MYO7A: variants seen among roughly 807,000 people sequenced by gnomAD.
MYO7A encodes myosin VIIA.
MYO7A carries 210 observed loss-of-function variants against 263.8 expected under a neutral mutation model. The observed-to-expected ratio is 0.80, with a 90% CI of 0.71 to 0.89. The LOEUF (loss-of-function observed/expected upper bound fraction) is 0.89. Ranked by LOEUF, MYO7A falls within the 40% of genes least tolerant of loss-of-function variation. The pLI is 0.00. For missense variants in MYO7A, 2,820 were observed against 2,968.3 expected, an observed-to-expected ratio of 0.95 and a Z score of 1.16; for synonymous variants, 1,239 against 1,197.3, an observed-to-expected ratio of 1.03 and a Z score of -0.72.
intron 3 of MYO7A, among the ~76,000 whole-genome samples, chr11:77,145,582 A>G (rs1332143597): frequency 1.3e-5 from 2 of 151,920 alleles, no homozygotes; most frequent in Non-Finnish European, 2.9e-5. Context: ...GGGAGCGGGG[A>G]CCGCATGGGG....
At chr11:77,198,116 G>A (rs938701790) in intron 33 of MYO7A, among the ~76,000 whole-genome samples, 10 of 152,336 alleles carry the variant, frequency 6.6e-5, no homozygotes, top group East Asian at 3.9e-4. Flanking sequence ...TCGGGCCATC[G>A]TTACTGGGCA....
Position 77,201,654 on chromosome 11 carries a change from G to T in MYO7A, c.5043+16G>T, listed in dbSNP as rs745438011. ...GGAGATTGTGGTATGTGGCCTGGGGGTGGCAGATGGGTGGGAGGTGCCATT... is the reference window on the plus strand; with the variant it reads ...GGAGATTGTGGTATGTGGCCTGGGGTTGGCAGATGGGTGGGAGGTGCCATT... On this transcript the variant is annotated intron_variant, in intron 36 of 48. Transcript: ENST00000409709. 6.2e-7 allele frequency: 1 copy of T among 1,609,300 alleles called. No homozygotes were observed. The highest frequency in any genetic ancestry group is 2.2e-5 in the East Asian group (1 of 44,766).
chr11:77,145,268 C>T (rs1555053053), intron 3 of MYO7A, among the ~76,000 whole-genome samples: 1 of 152,206 alleles, frequency 6.6e-6, no homozygotes, highest in East Asian at 1.9e-4. Flanking sequence ...ACAGACCTGG[C>T]AGGAGAAAGC....
intron 2 of MYO7A, among the ~76,000 whole-genome samples, chr11:77,140,382 G>C (rs1555049887): frequency 1.3e-5 from 2 of 152,222 alleles, no homozygotes; most frequent in African/African-American, 4.8e-5. Flanking sequence ...AAGAGCCCTG[G>C]ATTTGGGGTT....
chr11:77,154,050 G>A (rs1197224930), intron 4 of MYO7A, among the ~76,000 whole-genome samples: 1 of 152,198 alleles, frequency 6.6e-6, no homozygotes, highest in Non-Finnish European at 1.5e-5. Flanking sequence ...AGGAGATGGA[G>A]GTTGCAGTGA....
At position 77,172,770 on chromosome 11, in the gene MYO7A, C is replaced by T. The variant is rs782598897; in HGVS notation, c.1820C>T (p.Ser607Leu). ...CAGGGCGCCGAGACCAGGAAGCGCT[C>T]GCCCACACTTAGCAGCCAGTTCAAG... ...VAMGAETRKR[S>L]PTLSSQFKRS... The change falls in exon 16 of 49, where the codon TCG (serine) becomes TTG (leucine). Residue 607 changes from serine (S) to leucine (L), a missense_variant. Ser to Leu is a moderately radical substitution (Grantham distance 145). Coordinates refer to ENST00000409709, the MANE Select transcript of MYO7A (RefSeq NM_000260.4). 3.0e-5 allele frequency: 47 copies of T among 1,558,924 alleles called. No homozygotes were observed. The highest frequency in any genetic ancestry group is 1.9e-4 in the East Asian group (8 of 41,348).
At chr11:77,208,333 C>G in intron 42 of MYO7A, 97 bp from the exon 43 acceptor site, 1 of 952,454 alleles carries the variant, frequency 1.0e-6, no homozygotes, top group Middle Eastern at 2.4e-4. Flanking sequence ...GTGGAGTCTT[C>G]CCTGAGAAGG....
chr11:77,165,944 A>G, intron 14 of MYO7A, 112 bp from the exon 15 acceptor site: 1 of 733,198 alleles, frequency 1.4e-6, no homozygotes, highest in Non-Finnish European at 2.4e-6. Context: ...CCGTCATGAA[A>G]TGGATGTGGT....
chr11:77,129,094 A>C (rs1950689616), intron 1 of MYO7A, among the ~76,000 whole-genome samples: 1 of 152,114 alleles, frequency 6.6e-6, no homozygotes, highest in Non-Finnish European at 1.5e-5. Flanking sequence ...TGGCCCTTAA[A>C]TTTCACGCCC....
rs1952773925 is a variant in MYO7A at position 77,159,377 on chromosome 11, C to G, written c.1004-70C>G. On this transcript the variant is annotated intron_variant, in intron 9 of 48. Coordinates refer to ENST00000409709, the MANE Select transcript of MYO7A (RefSeq NM_000260.4). ...GCAGCAGGAGTGGCAGCCTAGTCCT[C>G]TTAGGACTGTCCCCTTGCCCCTGTT... 11 of 1,472,566 alleles carry G rather than the reference C, an allele frequency of 7.5e-6. No homozygotes were observed. The South Asian group carries it at 1.2e-4, about 16-fold the overall frequency. 91.2% of individuals were successfully genotyped at this position (1,472,566 alleles called of 1,614,324 possible). A position where few individuals can be genotyped will look rare whatever the true frequency, so the allele number is the denominator to read the frequency against.
In MYO7A at chr11:77,208,446, A is replaced by G. The variant is rs1957612026; in HGVS notation, c.5873A>G (p.Glu1958Gly). The part of the protein sequence containing the change: ...KIADKVLSVP[E>G]NDFFFDFVRH... ...TGACCCCAGGTCCTCAGCGTTCCTGAGAATGACTTCTTCTTTGACTTTGTT... is the reference window on the plus strand; with the variant it reads ...TGACCCCAGGTCCTCAGCGTTCCTGGGAATGACTTCTTCTTTGACTTTGTT... Residue 1958 changes from glutamate to glycine, a missense_variant, in exon 43 of 49, where the codon GAG becomes GGG. Coordinates refer to ENST00000409709, the MANE Select transcript of MYO7A (RefSeq NM_000260.4). 1 of 1,613,286 alleles carries G rather than the reference A, an allele frequency of 6.2e-7. No individual in the cohort carries two copies. Among genetic ancestry groups the G allele is most frequent in the African/African-American group, 1.3e-5 (1 of 74,930 alleles).
intron 18 of MYO7A, among the ~76,000 whole-genome samples, chr11:77,176,810 C>G (rs553975516): frequency 6.6e-6 from 1 of 152,200 alleles, no homozygotes; most frequent in African/African-American, 2.4e-5. Context: ...GGGGCCATGT[C>G]TCCCTGGTTC....
chr11:77,197,383 C>A, intron 32 of MYO7A, 98 bp from the exon 33 acceptor site: 1 of 886,492 alleles, frequency 1.1e-6, no homozygotes, highest in Non-Finnish European at 1.7e-6. Context: ...GGTGCAGGAG[C>A]CCCAGGCTGC....
chr11:77,158,227 G>T, intron 8 of MYO7A, 50 bp from the exon 9 acceptor site: 1 of 1,521,744 alleles, frequency 6.6e-7, no homozygotes, highest in East Asian at 2.4e-5. Flanking sequence ...TGCCCCTCTG[G>T]GGGTACACTG....
chr11:77,207,500 G>A (rs999983750), intron 42 of MYO7A, 98 bp downstream of exon 42: 90 of 913,970 alleles, frequency 9.8e-5, no homozygotes, highest in Admixed American at 5.2e-4. Context: ...GGGAGAGAGG[G>A]GAAGAGGGCA....
Position 77,156,903 on chromosome 11 carries a change from C to A in MYO7A, c.634C>A (p.Arg212Ser), listed in dbSNP as rs121965080. 1.2e-6 allele frequency: 2 copies of A among 1,614,030 alleles called. No individual in the cohort carries two copies. Among genetic ancestry groups the A allele is most frequent in the Admixed American group, 1.7e-5 (1 of 60,032 alleles). Residue 212 changes from arginine (R) to serine (S), a missense_variant, in exon 7 of 49, where the codon CGT becomes AGT. Transcript: ENST00000409709. ...GACCATCCGCAATGACAACTCAAGC[C>A]GTTTCGGAAAGTACATCGACATCCA... ...AKTIRNDNSS[R>S]FGKYIDIHFN...
At chr11:77,207,012 C>T (rs1957484166) in intron 41 of MYO7A, 1 of 344,246 alleles carries the variant, frequency 2.9e-6, no homozygotes, top group Non-Finnish European at 5.3e-6. Context: ...TGCTGTGCTC[C>T]CTGGACCCCT....
At position 77,159,640 on chromosome 11, in the gene MYO7A, T is replaced by C. The variant is rs1043435751; in HGVS notation, c.1080+117T>C. 22 of 1,035,294 alleles carry C rather than the reference T, an allele frequency of 2.1e-5. No homozygotes were observed. In the East Asian group the frequency reaches 2.2e-4, roughly 10 times the overall value. The allele number at this position is 1,035,294 out of a possible 1,614,324, so 64.1% of individuals were successfully genotyped here. On this transcript the variant is annotated intron_variant, in intron 10 of 48. Transcript: ENST00000409709. Reference sequence around the variant, plus strand: ...TGCTGGGACCCTCTGGTTTGGAGAGTTCTGTTCAATATGGAGAAGCAACCA... The same window carrying C: ...TGCTGGGACCCTCTGGTTTGGAGAGCTCTGTTCAATATGGAGAAGCAACCA...
chr11:77,187,714 AC>A (rs1955746281), intron 27 of MYO7A, among the ~76,000 whole-genome samples: 1 of 152,194 alleles, frequency 6.6e-6, no homozygotes, highest in South Asian at 2.1e-4. Context: ...GAGGGCTAGG[AC>A]TTTTCTGAGA....
Sources: gnomAD v4.1 joint callset for allele counts (sites outside exome capture counted in the v4.1 genomes callset) on GRCh38, gnomAD v4.1.1 for gene constraint, MANE v1.5 for transcripts, NCBI Gene and HGNC (gene_info 2026-07-23, HGNC 2026-07-21) for gene names.